SHTN1: variants seen among roughly 807,000 people sequenced by gnomAD.
The protein encoded by SHTN1 is shootin-1.
In SHTN1, 42 loss-of-function variants were observed where a neutral mutation model predicts 83.1. That is an observed-to-expected ratio of 0.51 (90% CI 0.39 to 0.65). The LOEUF (loss-of-function observed/expected upper bound fraction) is 0.65. SHTN1 is among the 30% of genes least tolerant of loss of function. The pLI, the probability that SHTN1 is intolerant of heterozygous loss-of-function variation, is 0.00. For missense variants in SHTN1, 622 were observed against 737.8 expected, an observed-to-expected ratio of 0.84 and a Z score of 1.82; for synonymous variants, 224 against 247.7, an observed-to-expected ratio of 0.90 and a Z score of 0.90.
intron 1 of SHTN1, among the ~76,000 whole-genome samples, chr10:117,068,310 A>G (rs1445429415): frequency 6.6e-6 from 1 of 152,116 alleles, no homozygotes; most frequent in Non-Finnish European, 1.5e-5. Context: ...GAATCGCTTG[A>G]ACCCAGGAGG....
chr10:117,000,916 C>T (rs996290184), intron 1 of SHTN1, among the ~76,000 whole-genome samples: 1 of 152,202 alleles, frequency 6.6e-6, no homozygotes, highest in African/African-American at 2.4e-5. Flanking sequence ...CTCTCTGATG[C>T]CTAGCACAGT....
chr10:117,015,136 T>C (rs1361696907), intron 2 of SHTN1, among the ~76,000 whole-genome samples: 1 of 152,208 alleles, frequency 6.6e-6, no homozygotes, highest in African/African-American at 2.4e-5. Flanking sequence ...TTGTAACAGA[T>C]ATCTGTTTCA....
rs1276598564 is a variant in SHTN1 at position 116,953,620 on chromosome 10, T to G, written c.436+422A>C. 9.1e-4 allele frequency among the ~76,000 whole-genome samples: 112 copies of G among 123,456 alleles called. 1 individual carries two copies. The highest frequency in any genetic ancestry group is 2.7e-3 in the African/African-American group (103 of 37,628). 81.0% of individuals were successfully genotyped at this position (123,456 alleles called of 152,430 possible). ...TAGGACCCAGGCATCAGTTTTGTGT[T>G]TTGTTTTTTTTTTTTTTTTTTTTTT... On this transcript the variant is annotated intron_variant, in intron 5 of 16. Transcript: ENST00000355371.
intron 6 of SHTN1, among the ~76,000 whole-genome samples, chr10:116,950,716 TA>T (rs1183100471): frequency 6.6e-6 from 1 of 152,184 alleles, no homozygotes; most frequent in Non-Finnish European, 1.5e-5. Flanking sequence ...GGTTTTGGTT[TA>T]AATTAGTAAC....
chr10:117,118,363 C>A (rs1462686781), intron 1 of SHTN1, among the ~76,000 whole-genome samples: 14 of 118,428 alleles, frequency 1.2e-4, no homozygotes, highest in South Asian at 5.4e-4. Context: ...TAATCCATTT[C>A]AAAAAAAAAA....
At chr10:116,940,635 T>C in intron 8 of SHTN1, 23 bp from the exon 9 acceptor site, 17 of 1,565,420 alleles carry the variant, frequency 1.1e-5, no homozygotes, top group Non-Finnish European at 1.5e-5. Flanking sequence ...GTTACAAGAA[T>C]GTATATATCA....
At chr10:116,901,643 A>G (rs962695174) in intron 16 of SHTN1, 122 bp downstream of exon 16, 10 of 1,355,992 alleles carry the variant, frequency 7.4e-6, no homozygotes, top group Non-Finnish European at 7.5e-6. Flanking sequence ...AAATGAAAAG[A>G]AGAAGAGAAT....
chr10:116,970,849 T>A (rs1040562916), intron 2 of SHTN1, among the ~76,000 whole-genome samples: 5 of 151,932 alleles, frequency 3.3e-5, no homozygotes, highest in Admixed American at 3.3e-4. Context: ...TATATAAATA[T>A]GAAATAAAAA....
At chr10:116,930,309 T>A (rs1269514918) in intron 9 of SHTN1, among the ~76,000 whole-genome samples, 1 of 152,172 alleles carries the variant, frequency 6.6e-6, no homozygotes, top group Non-Finnish European at 1.5e-5. Context: ...TCACAGGGGC[T>A]TGGTGTACAG....
Position 116,885,158 on chromosome 10 carries a change from C to T in SHTN1, c.*1186G>A, listed in dbSNP as rs1442860829. 15 of 152,644 alleles carry T rather than the reference C, an allele frequency of 9.8e-5. No homozygotes were observed. Among genetic ancestry groups the T allele is most frequent in the Admixed American group, 9.8e-4 (15 of 15,278 alleles). 9.5% of individuals were successfully genotyped at this position (152,644 alleles called of 1,614,324 possible). A position where few individuals can be genotyped will look rare whatever the true frequency, so the allele number is the denominator to read the frequency against. On this transcript the variant is annotated 3_prime_UTR_variant, in exon 17 of 17. Coordinates refer to ENST00000355371, the MANE Select transcript of SHTN1 (RefSeq NM_001127211.3). ...ATACAACTACTGCAATTATTACTAT[C>T]ATTTTCTTTTGCCCTTAGGTGAAAA...
At chr10:116,954,572 C>G (rs193171987) in intron 4 of SHTN1, among the ~76,000 whole-genome samples, 1 of 152,160 alleles carries the variant, frequency 6.6e-6, no homozygotes, top group Non-Finnish European at 1.5e-5. Flanking sequence ...GTGCTGAGAA[C>G]ACCTTTTAAA....
chr10:117,061,713 C>T (rs1319313189), intron 1 of SHTN1, among the ~76,000 whole-genome samples: 6 of 152,072 alleles, frequency 3.9e-5, no homozygotes, highest in African/African-American at 7.2e-5. Flanking sequence ...TCAGGTGATC[C>T]GCCTGCCTTG....
At chr10:116,987,249 C>G (rs1564915872) in intron 1 of SHTN1, among the ~76,000 whole-genome samples, 1 of 152,140 alleles carries the variant, frequency 6.6e-6, no homozygotes, top group Non-Finnish European at 1.5e-5. Flanking sequence ...CCTAGGGACA[C>G]AGGGTCACTA....
At chr10:116,943,130 GCTTT>G (rs1331181000) in intron 8 of SHTN1, among the ~76,000 whole-genome samples, 5 of 152,152 alleles carry the variant, frequency 3.3e-5, no homozygotes, top group Admixed American at 6.5e-5. Flanking sequence ...CATTGCTCTT[GCTTT>G]CTTTCTCTCC....
intron 2 of SHTN1, among the ~76,000 whole-genome samples, chr10:117,042,556 CAT>C (rs1157646491): frequency 6.6e-6 from 1 of 152,082 alleles, no homozygotes; most frequent in African/African-American, 2.4e-5. Flanking sequence ...TAGTGAAAAA[CAT>C]ACTCCAATAC....
intron 1 of SHTN1, among the ~76,000 whole-genome samples, chr10:117,094,152 T>C (rs1853474278): frequency 1.3e-5 from 2 of 152,084 alleles, no homozygotes; most frequent in East Asian, 1.9e-4. Context: ...ACCGCTCTGA[T>C]GAGAAAAATG....
intron 2 of SHTN1, among the ~76,000 whole-genome samples, chr10:117,040,550 G>A (rs1000258095): frequency 5.3e-5 from 8 of 152,170 alleles, no homozygotes. Context: ...TATACCAAAT[G>A]TACCATACTA....
chr10:117,042,704 C>T (rs1474301475), intron 2 of SHTN1, among the ~76,000 whole-genome samples: 1 of 152,092 alleles, frequency 6.6e-6, no homozygotes, highest in Non-Finnish European at 1.5e-5. Flanking sequence ...CAACCTCCAC[C>T]TCCCAGGTTC....
At chr10:117,110,504 G>C (rs1302229867) in intron 1 of SHTN1, among the ~76,000 whole-genome samples, 2 of 151,514 alleles carry the variant, frequency 1.3e-5, no homozygotes, top group Non-Finnish European at 2.9e-5. Flanking sequence ...GGTGCACACC[G>C]CCATGCCTGG....
Sources: gnomAD v4.1 joint callset for allele counts (sites outside exome capture counted in the v4.1 genomes callset) on GRCh38, gnomAD v4.1.1 for gene constraint, MANE v1.5 for transcripts, NCBI Gene and HGNC (gene_info 2026-07-23, HGNC 2026-07-21) for gene names.